MTSS1: variants seen among roughly 807,000 people sequenced by gnomAD.
MTSS1 encodes protein MTSS 1.
In MTSS1, 18 loss-of-function variants were observed where a neutral mutation model predicts 79.0. The ratio of observed to expected loss-of-function variants is 0.23; its 90% CI spans 0.16 to 0.34. The LOEUF (loss-of-function observed/expected upper bound fraction) is 0.34, where lower values mean the gene tolerates loss of function less well. Ranked by LOEUF, MTSS1 falls within the 10% of genes least tolerant of loss-of-function variation. The pLI, the probability that MTSS1 is intolerant of heterozygous loss-of-function variation, is 1.00. For synonymous variants in MTSS1, 341 were observed against 368.6 expected (o/e 0.93, Z 0.86); for missense variants, 815 against 986.2 (o/e 0.83, Z 2.33).
intron 1 of MTSS1, among the ~76,000 whole-genome samples, chr8:124,724,795 C>T (rs1220514192): frequency 1.3e-5 from 2 of 152,074 alleles, no homozygotes. Context: ...ATAGAAACTC[C>T]AAAAAGATTC....
intron 3 of MTSS1, among the ~76,000 whole-genome samples, chr8:124,674,879 G>A (rs1487989520): frequency 1.3e-5 from 2 of 152,014 alleles, no homozygotes; most frequent in Non-Finnish European, 2.9e-5. Context: ...ATGTCACCAT[G>A]CCTGGTTAAT....
chr8:124,711,870 T>C (rs1831214231), intron 1 of MTSS1, among the ~76,000 whole-genome samples: 1 of 151,794 alleles, frequency 6.6e-6, no homozygotes, highest in Admixed American at 6.6e-5. Flanking sequence ...TAGTGCAGCA[T>C]GGTAGCACAC....
At chr8:124,703,446 C>T (rs1829982412) in intron 2 of MTSS1, among the ~76,000 whole-genome samples, 1 of 152,192 alleles carries the variant, frequency 6.6e-6, no homozygotes, top group African/African-American at 2.4e-5. Flanking sequence ...GCACTCGTCA[C>T]CATGCCCAGC....
At chr8:124,585,387 C>T (rs1830684294) in intron 5 of MTSS1, among the ~76,000 whole-genome samples, 1 of 151,908 alleles carries the variant, frequency 6.6e-6, no homozygotes, top group East Asian at 1.9e-4. Flanking sequence ...TTCACTCATA[C>T]CAGCTTTGAA....
At chr8:124,628,275 G>C (rs965905590) in intron 3 of MTSS1, among the ~76,000 whole-genome samples, 1 of 152,146 alleles carries the variant, frequency 6.6e-6, no homozygotes, top group Non-Finnish European at 1.5e-5. Flanking sequence ...CCCATCCCAG[G>C]CTGCGAGTCT....
chr8:124,637,967 A>G (rs1346186965), intron 3 of MTSS1, among the ~76,000 whole-genome samples: 1 of 152,266 alleles, frequency 6.6e-6, no homozygotes, highest in African/African-American at 2.4e-5. Flanking sequence ...AAGGAGGTTA[A>G]GCAGGGTTTG....
chr8:124,713,773 G>A (rs1831511322), intron 1 of MTSS1, among the ~76,000 whole-genome samples: 1 of 152,034 alleles, frequency 6.6e-6, no homozygotes, highest in Non-Finnish European at 1.5e-5. Context: ...AGGCTGGAGT[G>A]CAGTGGCACA....
intron 5 of MTSS1, among the ~76,000 whole-genome samples, chr8:124,588,547 C>T (rs959744571): frequency 3.2e-4 from 48 of 152,344 alleles, no homozygotes; most frequent in Non-Finnish European, 7.3e-5. Flanking sequence ...TGACAACTCA[C>T]TCAACCAGTT....
At chr8:124,560,313 G>T (rs1825006531) in intron 10 of MTSS1, among the ~76,000 whole-genome samples, 1 of 152,108 alleles carries the variant, frequency 6.6e-6, no homozygotes, top group Non-Finnish European at 1.5e-5. Context: ...TTGAGGCTAG[G>T]AATTGGAGAA....
At chr8:124,561,658 A>G (rs188878485) in intron 10 of MTSS1, among the ~76,000 whole-genome samples, 5 of 152,196 alleles carry the variant, frequency 3.3e-5, no homozygotes, top group Admixed American at 3.3e-4. Context: ...TGTCAATTAA[A>G]CACACACACA....
At chr8:124,691,753 T>C (rs1053056362) in intron 3 of MTSS1, among the ~76,000 whole-genome samples, 3 of 152,184 alleles carry the variant, frequency 2.0e-5, no homozygotes, top group Non-Finnish European at 2.9e-5. Flanking sequence ...TGACCTCAAG[T>C]GATCCACCGG....
rs202122400 is a variant in MTSS1 at position 124,599,482 on chromosome 8, CAAAAAAAAAAA to C, written c.209-8258_209-8248del. On this transcript the variant is annotated intron_variant, in intron 3 of 13. Coordinates refer to ENST00000518547, the MANE Select transcript of MTSS1 (RefSeq NM_014751.6). ...TGGGGGACAGAATGAGACTCCGTCT[CAAAAAAAAAAA>C]AAAAAAAAAGAGAGAGAGAAAGAAA... Among the ~76,000 whole-genome samples the C allele has an allele frequency of 1.9e-4, 16 of 85,752 alleles. 1 individual carries two copies. Among genetic ancestry groups the C allele is most frequent in the Admixed American group, 1.5e-3 (13 of 8,542 alleles). 56.3% of individuals were successfully genotyped at this position (85,752 alleles called of 152,430 possible). A position where few individuals can be genotyped will look rare whatever the true frequency, so the allele number is the denominator to read the frequency against.
At chr8:124,590,572 T>A (rs1353067290) in intron 4 of MTSS1, among the ~76,000 whole-genome samples, 1 of 152,120 alleles carries the variant, frequency 6.6e-6, no homozygotes, top group Non-Finnish European at 1.5e-5. Flanking sequence ...TTTTGTGCAG[T>A]CTCCCAAACA....
rs1834005413 is a variant in MTSS1, at chr8:124,728,105, G to A, written c.-150C>T. 1.7e-6 allele frequency: 1 copy of A among 601,266 alleles called. No individual in the cohort carries two copies. The highest frequency in any genetic ancestry group is 2.9e-6 in the Non-Finnish European group (1 of 348,092). 37.2% of individuals were successfully genotyped at this position (601,266 alleles called of 1,614,324 possible). On this transcript the variant is annotated 5_prime_UTR_variant, in exon 1 of 14. Transcript: ENST00000518547. The surrounding 1 kb of genome is among the most constrained non-coding windows in gnomAD (Gnocchi z 6.1). ...TCTGCAGCGAGGACGGGGTGCACCAGACCGACTGTTCTCTGCCCAAAATAA... is the reference window on the plus strand; with the variant it reads ...TCTGCAGCGAGGACGGGGTGCACCAAACCGACTGTTCTCTGCCCAAAATAA...
chr8:124,666,059 T>C (rs1287741273), intron 3 of MTSS1, among the ~76,000 whole-genome samples: 1 of 152,164 alleles, frequency 6.6e-6, no homozygotes, highest in Admixed American at 6.5e-5. Flanking sequence ...CACATATTAA[T>C]ACAATGTGCT....
chr8:124,719,374 G>A (rs1430852), intron 1 of MTSS1, among the ~76,000 whole-genome samples: 104,836 of 152,066 alleles, frequency 0.69, 36,533 homozygotes, highest in Admixed American at 0.78. Flanking sequence ...TCCGAGCGAG[G>A]GTGTCACCCA....
chr8:124,635,860 AAAC>A (rs1816883296), intron 3 of MTSS1, among the ~76,000 whole-genome samples: 1 of 152,078 alleles, frequency 6.6e-6, no homozygotes, highest in South Asian at 2.1e-4. Flanking sequence ...TTGCTAAACA[AAAC>A]AACAAGAAAG....
chr8:124,652,961 C>T (rs1348779494), intron 3 of MTSS1, among the ~76,000 whole-genome samples: 3 of 152,198 alleles, frequency 2.0e-5, no homozygotes, highest in South Asian at 2.1e-4. Context: ...ATTTACACTG[C>T]GACTTGATGG....
chr8:124,577,665 G>A (rs368131671), intron 6 of MTSS1: 5 of 516,674 alleles, frequency 9.7e-6, no homozygotes, highest in Non-Finnish European at 1.9e-5. Flanking sequence ...AAGGGGTCTG[G>A]CTGTGCCTAC....
Sources: gnomAD v4.1 joint callset for allele counts (sites outside exome capture counted in the v4.1 genomes callset) on GRCh38, gnomAD v4.1.1 for gene constraint, Gnocchi (gnomAD v3.1) non-coding constraint, MANE v1.5 for transcripts, NCBI Gene and HGNC (gene_info 2026-07-23, HGNC 2026-07-21) for gene names.